The following VPS53 variants were observed in gnomAD, a reference collection of about 807,000 sequenced individuals.
The protein encoded by VPS53 is VPS53 subunit of GARP complex, also known as vacuolar protein sorting-associated protein 53 homolog.
Under a neutral mutation model 107.0 loss-of-function variants are expected in VPS53, and 70 were observed. The ratio of observed to expected loss-of-function variants is 0.65; its 90% CI spans 0.54 to 0.80. The LOEUF (loss-of-function observed/expected upper bound fraction) is 0.80. Ranked by LOEUF, VPS53 falls within the 30% of genes least tolerant of loss-of-function variation. The probability of loss-of-function intolerance (pLI) is 0.00; values close to 1 mark genes in which losing one functional copy is unlikely to be tolerated. For missense variants in VPS53, 917 were observed against 1,049.4 expected, an observed-to-expected ratio of 0.87 and a Z score of 1.74; for synonymous variants, 409 against 393.3, an observed-to-expected ratio of 1.04 and a Z score of -0.47.
intron 13 of VPS53, 29 bp from the exon 14 acceptor site, chr17:562,774 T>A (rs372174559): frequency 1.3e-6 from 2 of 1,586,266 alleles, no homozygotes; most frequent in African/African-American, 1.4e-5. Flanking sequence ...ACCAAAAATG[T>A]TATTTTACTT....
At chr17:671,939 G>A (rs1370391397) in intron 4 of VPS53, among the ~76,000 whole-genome samples, 2 of 152,004 alleles carry the variant, frequency 1.3e-5, no homozygotes, top group East Asian at 3.9e-4. Context: ...CGCTTACCTC[G>A]GCCTCCCAAC....
At chr17:593,554 A>G (rs575301591) in intron 12 of VPS53, among the ~76,000 whole-genome samples, 2 of 152,334 alleles carry the variant, frequency 1.3e-5, no homozygotes, top group South Asian at 2.1e-4. Flanking sequence ...AAACACATGA[A>G]AAAATGCTCA....
At chr17:593,671 G>C (rs1967801585) in intron 12 of VPS53, among the ~76,000 whole-genome samples, 1 of 152,206 alleles carries the variant, frequency 6.6e-6, no homozygotes, top group South Asian at 2.1e-4. Context: ...CGGTGCTGGA[G>C]AGGATGTGGA....
chr17:530,900 C>T (rs956185671), intron 19 of VPS53, among the ~76,000 whole-genome samples: 1 of 152,170 alleles, frequency 6.6e-6, no homozygotes, highest in Non-Finnish European at 1.5e-5. Flanking sequence ...AAATGTCTCC[C>T]ATCCCATTTT....
intron 17 of VPS53, among the ~76,000 whole-genome samples, chr17:551,326 G>A (rs1911799697): frequency 6.6e-6 from 1 of 152,142 alleles, no homozygotes; most frequent in Non-Finnish European, 1.5e-5. Context: ...CAGCACTTGG[G>A]GAGGACTCGG....
At chr17:625,588 G>C (rs1969669981) in intron 10 of VPS53, among the ~76,000 whole-genome samples, 1 of 152,158 alleles carries the variant, frequency 6.6e-6, no homozygotes, top group Admixed American at 6.5e-5. Context: ...AGTTTCATGA[G>C]CTGTGATAAA....
intron 17 of VPS53, chr17:537,401 T>G: frequency 2.0e-6 from 1 of 499,856 alleles, no homozygotes; most frequent in Non-Finnish European, 3.5e-6. Context: ...CCCAGACCCT[T>G]TCCTTTTCCT....
In VPS53 at chr17:651,513, C is replaced by T. The variant is rs146828291; in HGVS notation, c.608+1778G>A. On this transcript the variant is annotated intron_variant, in intron 7 of 21. Transcript: ENST00000437048. Reference sequence around the variant, plus strand: ...AACTGTGGTGGGAGGATCACTTGAGCCCAGGAGTTCCAAGCTGCAGTGAGC... The same window carrying T: ...AACTGTGGTGGGAGGATCACTTGAGTCCAGGAGTTCCAAGCTGCAGTGAGC... Among the ~76,000 whole-genome samples, 19 of 152,150 alleles carry T rather than the reference C, an allele frequency of 1.2e-4. No individual in the cohort carries two copies. The East Asian group carries it at 3.7e-3, about 29-fold the overall frequency.
At chr17:617,684 TGG>T (rs1284325378) in intron 11 of VPS53, among the ~76,000 whole-genome samples, 1 of 149,674 alleles carries the variant, frequency 6.7e-6, no homozygotes, top group Non-Finnish European at 1.5e-5. Context: ...CCCGGGTAGC[TGG>T]GACTACAGGC....
rs186124934 is a variant in VPS53 at position 549,534 on chromosome 17, G to A, written c.1866+2338C>T. Among the ~76,000 whole-genome samples, 373 of 152,038 alleles carry A rather than the reference G, an allele frequency of 2.5e-3. 3 individuals are homozygous for A. Among genetic ancestry groups the A allele is most frequent in the African/African-American group, 8.1e-3 (336 of 41,450 alleles). On this transcript the variant is annotated intron_variant, in intron 17 of 21. Transcript: ENST00000437048. ...AATCCACCGAACGAACCGACAGTTC[G>A]TATAAGCAACACTTGCAGTGTTAAA... is the stretch of plus-strand genomic sequence containing the variant.
intron 11 of VPS53, among the ~76,000 whole-genome samples, chr17:609,739 C>T (rs751652098): frequency 6.6e-6 from 1 of 151,894 alleles, no homozygotes; most frequent in Non-Finnish European, 1.5e-5. Context: ...CCACTAGTGT[C>T]GTAAGAAAAT....
At position 549,032 on chromosome 17, in the gene VPS53, T is replaced by C. The variant is rs866651571; in HGVS notation, c.1866+2840A>G. Among the ~76,000 whole-genome samples the C allele has an allele frequency of 2.0e-5, 3 of 152,312 alleles. No individual in the cohort carries two copies. In the South Asian group the frequency reaches 6.2e-4, roughly 32 times the overall value. ...TCTCTTATATTAAAGTTACTGGGTA[T>C]TGCTGTCATCTTACACATCTCTTGC... On this transcript the variant is annotated intron_variant, in intron 17 of 21. Coordinates refer to ENST00000437048, the MANE Select transcript of VPS53 (RefSeq NM_001128159.3).
intron 17 of VPS53, among the ~76,000 whole-genome samples, chr17:543,999 G>GAGGA (rs1216022705): frequency 3.2e-5 from 1 of 31,412 alleles, no homozygotes; most frequent in East Asian, 2.7e-3. Context: ...GGGAGGAAGG[G>GAGGA]AGGGAGGGAG....
intron 8 of VPS53, among the ~76,000 whole-genome samples, chr17:628,785 C>T (rs556883078): frequency 6.6e-6 from 1 of 152,330 alleles, no homozygotes; most frequent in Non-Finnish European, 1.5e-5. Flanking sequence ...CAATAGTGAA[C>T]TACCTAGAAA....
At chr17:563,513 C>T (rs1313788037) in intron 13 of VPS53, among the ~76,000 whole-genome samples, 3 of 152,104 alleles carry the variant, frequency 2.0e-5, no homozygotes, top group Non-Finnish European at 2.9e-5. Flanking sequence ...AGGCTGGTCT[C>T]GACATCCTGA....
chr17:669,877 C>T (rs1367457658), intron 4 of VPS53, among the ~76,000 whole-genome samples: 4 of 147,138 alleles, frequency 2.7e-5, no homozygotes, highest in East Asian at 2.0e-4. Context: ...GGTGACAGAG[C>T]GAGACTCCAT....
At position 520,627 on chromosome 17, in the gene VPS53, T is replaced by G. The variant is rs1444734517; in HGVS notation, c.2224-697A>C. ...ATCTGATTTTCTTTCCCCAGCCGAC[T>G]GATTTGTTTTGAATTCCTGAGACTG... On this transcript the variant is annotated intron_variant, in intron 20 of 21. Coordinates refer to ENST00000437048, the MANE Select transcript of VPS53 (RefSeq NM_001128159.3). This position sits in a 1 kb window ranked among gnomAD's most constrained non-coding sequence, Gnocchi z 4.4. Among the ~76,000 whole-genome samples, 1 of 152,222 alleles carries G rather than the reference T, an allele frequency of 6.6e-6. No individual in the cohort carries two copies. Among genetic ancestry groups the G allele is most frequent in the East Asian group, 1.9e-4 (1 of 5,206 alleles).
intron 4 of VPS53, among the ~76,000 whole-genome samples, chr17:693,923 T>C (rs149026745): frequency 0.016 from 2,369 of 152,332 alleles, 23 homozygotes; most frequent in Middle Eastern, 0.031. Context: ...GTGGGGCCTC[T>C]TGACCTACAA....
At chr17:593,312 A>C (rs1018778037) in intron 12 of VPS53, among the ~76,000 whole-genome samples, 2 of 152,196 alleles carry the variant, frequency 1.3e-5, no homozygotes, top group African/African-American at 4.8e-5. Context: ...GACCAATGGG[A>C]TCTAATTAAA....
Sources: allele counts gnomAD v4.1 joint callset (sites outside exome capture counted in the v4.1 genomes callset), GRCh38; gene constraint gnomAD v4.1.1; non-coding constraint Gnocchi (gnomAD v3.1); transcripts MANE v1.5; gene names NCBI Gene and HGNC (gene_info 2026-07-23, HGNC 2026-07-21).